Variants in CCDC91 observed in about 807,000 individuals in gnomAD.
The protein encoded by CCDC91 is coiled-coil domain containing 91, also known as coiled-coil domain-containing protein 91.
In CCDC91, 48 loss-of-function variants were observed where a neutral mutation model predicts 63.2. That is an observed-to-expected ratio of 0.76 (90% CI 0.60 to 0.97). The LOEUF (loss-of-function observed/expected upper bound fraction) is 0.97. Ranked by LOEUF, CCDC91 falls within the 50% of genes least tolerant of loss-of-function variation. The probability of loss-of-function intolerance (pLI) is 0.00; values close to 1 mark genes in which losing one functional copy is unlikely to be tolerated. For synonymous variants in CCDC91, 167 were observed against 165.8 expected (o/e 1.01, Z -0.06); for missense variants, 500 against 494.6 (o/e 1.01, Z -0.10).
chr12:28,448,240 G>T (rs1350140583), intron 8 of CCDC91, among the ~76,000 whole-genome samples: 3 of 152,038 alleles, frequency 2.0e-5, no homozygotes, highest in African/African-American at 7.2e-5. Context: ...GGAAGAATTC[G>T]GCAGTTTGTT....
chr12:28,262,418 A>C (rs1287308201), intron 3 of CCDC91, among the ~76,000 whole-genome samples: 1 of 152,012 alleles, frequency 6.6e-6, no homozygotes, highest in East Asian at 1.9e-4. Flanking sequence ...TTAAGTAAAG[A>C]ATGAGGTGGG....
At chr12:28,334,656 A>C (rs1220232750) in intron 6 of CCDC91, among the ~76,000 whole-genome samples, 2 of 152,172 alleles carry the variant, frequency 1.3e-5, no homozygotes, top group Non-Finnish European at 2.9e-5. Flanking sequence ...ACTCCTTAGG[A>C]TACATTTTTT....
intron 3 of CCDC91, among the ~76,000 whole-genome samples, chr12:28,276,144 A>T (rs908776408): frequency 6.6e-6 from 1 of 152,084 alleles, no homozygotes. Context: ...TTATGAATTT[A>T]TATTCCTTGA....
At chr12:28,345,486 A>G (rs565281220) in intron 6 of CCDC91, among the ~76,000 whole-genome samples, 1 of 152,196 alleles carries the variant, frequency 6.6e-6, no homozygotes, top group Non-Finnish European at 1.5e-5. Flanking sequence ...AAATATGGAA[A>G]CTGAGACTTT....
At chr12:28,271,226 A>T (rs1395840595) in intron 3 of CCDC91, among the ~76,000 whole-genome samples, 1 of 151,324 alleles carries the variant, frequency 6.6e-6, no homozygotes, top group African/African-American at 2.5e-5. Context: ...GGAAACAGAG[A>T]GCATGTTTTC....
intron 12 of CCDC91, among the ~76,000 whole-genome samples, chr12:28,513,208 T>C (rs1939567491): frequency 6.6e-6 from 1 of 151,884 alleles, no homozygotes; most frequent in Admixed American, 6.6e-5. Context: ...GCTAATGTTA[T>C]TGAGTATTCA....
Position 28,539,143 on chromosome 12 carries a change from T to G in CCDC91, c.1216-9920T>G, listed in dbSNP as rs537611282. ...CCCATTTGTCAATTTTGGCTTTTGT[T>G]GCCATTGCTTTTGGTGTTTTAGACA... On this transcript the variant is annotated intron_variant, in intron 12 of 12. Transcript: ENST00000536442. Among the ~76,000 whole-genome samples the G allele has an allele frequency of 2.0e-5, 3 of 152,320 alleles. No homozygotes were observed. The East Asian group carries it at 5.8e-4, about 29-fold the overall frequency.
intron 7 of CCDC91, among the ~76,000 whole-genome samples, chr12:28,377,975 G>C (rs1246395894): frequency 6.6e-6 from 1 of 151,966 alleles, no homozygotes; most frequent in East Asian, 1.9e-4. Flanking sequence ...GCTTTACTTA[G>C]ATCATTTTAT....
intron 3 of CCDC91, among the ~76,000 whole-genome samples, chr12:28,293,090 G>A: frequency 6.6e-6 from 1 of 152,232 alleles, no homozygotes; most frequent in South Asian, 2.1e-4. Flanking sequence ...AAAATACATA[G>A]TGATTAAGTC....
At chr12:28,306,202 A>T (rs560913069) in intron 4 of CCDC91, among the ~76,000 whole-genome samples, 2 of 152,220 alleles carry the variant, frequency 1.3e-5, no homozygotes, top group Non-Finnish European at 2.9e-5. Context: ...AAAACCAAAA[A>T]TATAGCAGTT....
intron 11 of CCDC91, among the ~76,000 whole-genome samples, chr12:28,455,135 G>A (rs977359554): frequency 7.2e-6 from 1 of 139,618 alleles, no homozygotes; most frequent in African/African-American, 2.7e-5. Context: ...AGAAAAATAG[G>A]CATGTAGAAA....
chr12:28,264,942 G>A (rs895424917), intron 3 of CCDC91, among the ~76,000 whole-genome samples: 3 of 151,880 alleles, frequency 2.0e-5, no homozygotes, highest in Non-Finnish European at 4.4e-5. Flanking sequence ...GCCATATAAA[G>A]GCTGTCATCT....
intron 1 of CCDC91, among the ~76,000 whole-genome samples, chr12:28,254,086 T>G (rs1286576787): frequency 2.0e-5 from 3 of 152,196 alleles, no homozygotes; most frequent in Non-Finnish European, 4.4e-5. Context: ...TTGTATGTCT[T>G]TCTTATAAAA....
intron 1 of CCDC91, chr12:28,226,330 C>G (rs1360323456): frequency 6.6e-6 from 1 of 152,142 alleles, no homozygotes; most frequent in Non-Finnish European, 1.5e-5. Flanking sequence ...CCTTGTAGCT[C>G]CACCTCGTTT....
intron 7 of CCDC91, among the ~76,000 whole-genome samples, chr12:28,363,833 C>T (rs1271069640): frequency 6.6e-5 from 9 of 136,248 alleles, no homozygotes; most frequent in Middle Eastern, 8.6e-3. Flanking sequence ...GCCGAGATTG[C>T]GCCACTGCAC....
chr12:28,332,931 C>A (rs181183429), intron 6 of CCDC91, among the ~76,000 whole-genome samples: 50 of 152,126 alleles, frequency 3.3e-4, no homozygotes, highest in African/African-American at 1.2e-3. Flanking sequence ...GCTTGGGGAC[C>A]ATTTTAAACA....
chr12:28,197,917 A>G (rs1941907546), intron 1 of CCDC91, among the ~76,000 whole-genome samples: 1 of 152,118 alleles, frequency 6.6e-6, no homozygotes, highest in Non-Finnish European at 1.5e-5. Flanking sequence ...GGATACAACA[A>G]TTTATTTATT....
intron 8 of CCDC91, among the ~76,000 whole-genome samples, chr12:28,446,772 A>G (rs907656017): frequency 1.3e-5 from 2 of 152,164 alleles, no homozygotes; most frequent in African/African-American, 4.8e-5. Flanking sequence ...GCCTCAAAAA[A>G]CTATAATTCT....
At chr12:28,213,291 C>A (rs924895735) in intron 1 of CCDC91, among the ~76,000 whole-genome samples, 5 of 152,226 alleles carry the variant, frequency 3.3e-5, no homozygotes, top group African/African-American at 1.2e-4. Context: ...AGACCTATAA[C>A]TACACTCAAG....
Sources: allele counts gnomAD v4.1 joint callset (sites outside exome capture counted in the v4.1 genomes callset), GRCh38; gene constraint gnomAD v4.1.1; transcripts MANE v1.5; gene names NCBI Gene and HGNC (gene_info 2026-07-23, HGNC 2026-07-21).